The following PTPN5 variants were observed in gnomAD, a reference collection of about 807,000 sequenced individuals.
PTPN5 encodes the protein tyrosine-protein phosphatase non-receptor type 5.
A neutral mutation model predicts 73.9 loss-of-function variants in PTPN5; 29 were observed. That is an observed-to-expected ratio of 0.39 (90% confidence interval 0.29 to 0.54). PTPN5 has a LOEUF of 0.54. Ranked by LOEUF, PTPN5 falls within the 20% of genes least tolerant of loss-of-function variation. PTPN5 has a pLI of 0.65. For synonymous variants in PTPN5, 267 were observed against 304.7 expected, an observed-to-expected ratio of 0.88 and a Z score of 1.29; for missense variants, 652 against 751.4, an observed-to-expected ratio of 0.87 and a Z score of 1.55.
At chr11:18,772,272 T>C (rs1036908701) in intron 1 of PTPN5, among the ~76,000 whole-genome samples, 1 of 152,218 alleles carries the variant, frequency 6.6e-6, no homozygotes, top group African/African-American at 2.4e-5. Flanking sequence ...AGCCTTCTAA[T>C]AAATATCTTT....
At chr11:18,735,863 T>C (rs189512714) in intron 9 of PTPN5, among the ~76,000 whole-genome samples, 1 of 152,154 alleles carries the variant, frequency 6.6e-6, no homozygotes, top group African/African-American at 2.4e-5. Context: ...TAGATTTGTT[T>C]TGCCTCATTT....
intron 3 of PTPN5, among the ~76,000 whole-genome samples, chr11:18,764,878 AATTTTTTGT>A (rs1334056292): frequency 2.0e-5 from 3 of 151,906 alleles, no homozygotes; most frequent in African/African-American, 7.3e-5. Context: ...ACGCCTGGCT[AATTTTTTGT>A]ATTTTTAGTA....
At chr11:18,790,430 G>A (rs1439620586) in intron 1 of PTPN5, among the ~76,000 whole-genome samples, 1 of 152,098 alleles carries the variant, frequency 6.6e-6, no homozygotes, top group Non-Finnish European at 1.5e-5. Flanking sequence ...TCCAACTGAG[G>A]ACACTCAGGC....
chr11:18,752,544 C>T (rs1273735681), intron 3 of PTPN5, among the ~76,000 whole-genome samples: 1 of 152,114 alleles, frequency 6.6e-6, no homozygotes, highest in Admixed American at 6.5e-5. Context: ...TTTGTCTCTG[C>T]CAGATAATTA....
In PTPN5 at chr11:18,744,377, C is replaced by T. The variant is rs1159407129; in HGVS notation, c.98-178G>A. On this transcript the variant is annotated intron_variant, in intron 3 of 14. Coordinates refer to ENST00000358540, the MANE Select transcript of PTPN5 (RefSeq NM_006906.2). The stretch of plus-strand genomic sequence containing the variant: ...ATTCACCTACCTTCGTCAGAAAGAG[C>T]TAAGTGTGGGTGGACAAATTATTTC... 4 of 458,558 alleles carry T rather than the reference C, an allele frequency of 8.7e-6. No individual in the cohort carries two copies. The East Asian group carries it at 1.4e-4, about 16-fold the overall frequency. 28.4% of individuals were successfully genotyped at this position (458,558 alleles called of 1,614,324 possible).
In PTPN5 at chr11:18,729,085, T is replaced by C. The variant is rs1271983596; in HGVS notation, c.1605-58A>G. 3 of 1,568,632 alleles carry C rather than the reference T, an allele frequency of 1.9e-6. No homozygotes were observed. Among genetic ancestry groups the C allele is most frequent in the Non-Finnish European group, 2.6e-6 (3 of 1,151,370 alleles). On this transcript the variant is annotated intron_variant, in intron 14 of 14. Coordinates refer to ENST00000358540, the MANE Select transcript of PTPN5 (RefSeq NM_006906.2). This position sits in a 1 kb window ranked among gnomAD's most constrained non-coding sequence, Gnocchi z 5.2. ...TCGTGGAGGGATGGGCTGTGGGAGG[T>C]GCCCCAAAAGCCATGGAGTAGCAAT...
chr11:18,732,505 G>A (rs538465518), intron 12 of PTPN5, 87 bp downstream of exon 12: 5 of 922,288 alleles, frequency 5.4e-6, no homozygotes, highest in Non-Finnish European at 8.7e-6. Context: ...CAGTTACAGT[G>A]GACTTGGGGG....
At chr11:18,782,536 A>G (rs551294961) in intron 1 of PTPN5, among the ~76,000 whole-genome samples, 1 of 152,288 alleles carries the variant, frequency 6.6e-6, no homozygotes, top group East Asian at 1.9e-4. Context: ...CTTCTTAAAA[A>G]CTATTTCATG....
rs757933595 is a variant in PTPN5, at chr11:18,728,885, C to T, written c.*49G>A. 6.3e-6 allele frequency: 10 copies of T among 1,574,916 alleles called. No individual in the cohort carries two copies. The highest frequency in any genetic ancestry group is 5.5e-5 in the Admixed American group (3 of 54,416). ...CCGAGGCAGGGCCCTGGGTGAGGGC[C>T]GAGACTCAGGCTGGGCAGTGCCCAG... On this transcript the variant is annotated 3_prime_UTR_variant, in exon 15 of 15. Coordinates refer to ENST00000358540, the MANE Select transcript of PTPN5 (RefSeq NM_006906.2). This position sits in a 1 kb window ranked among gnomAD's most constrained non-coding sequence, Gnocchi z 4.1.
At chr11:18,756,944 A>C (rs1017606222) in intron 3 of PTPN5, among the ~76,000 whole-genome samples, 111 of 151,352 alleles carry the variant, frequency 7.3e-4, no homozygotes, top group African/African-American at 2.4e-3. Context: ...AAACCAAAAA[A>C]CAAAAACAAA....
chr11:18,757,708 G>C (rs1483783790), intron 3 of PTPN5, among the ~76,000 whole-genome samples: 1 of 152,236 alleles, frequency 6.6e-6, no homozygotes, highest in Non-Finnish European at 1.5e-5. Flanking sequence ...GTGCTGGACA[G>C]AGCAGGGGTG....
intron 1 of PTPN5, among the ~76,000 whole-genome samples, chr11:18,777,573 T>C (rs1219092876): frequency 1.3e-5 from 2 of 152,206 alleles, no homozygotes; most frequent in Admixed American, 6.5e-5. Context: ...GGTTCTTAAC[T>C]TTCTCTTTAC....
rs367543229 is a variant in PTPN5, at chr11:18,740,750, C to T, written c.768G>A (p.Pro256=). ...AGCCAAAGCCCTCCTCGTTGCAGCC[C>T]GGAGTGCACATGTCCAGGGTCAGGG... ...NVSLTLDMCT[P]GCNEEGFGYL... is the part of the protein sequence containing the mutation. The change falls in exon 8 of 15, where the codon CCG becomes CCA. Residue 256 remains proline (P), a synonymous_variant. Transcript: ENST00000358540. The T allele has an allele frequency of 4.1e-4, 660 of 1,594,300 alleles. 7 individuals are homozygous for T. In the South Asian group the frequency reaches 6.8e-3, roughly 16 times the overall value.
intron 3 of PTPN5, among the ~76,000 whole-genome samples, chr11:18,756,642 G>A (rs993410211): frequency 2.5e-4 from 38 of 151,942 alleles, no homozygotes; most frequent in African/African-American, 9.2e-4. Flanking sequence ...AACAGCACCG[G>A]CCGGGCGCGG....
At chr11:18,732,939 A>AT (rs1363261513) in intron 11 of PTPN5, among the ~76,000 whole-genome samples, 1 of 152,180 alleles carries the variant, frequency 6.6e-6, no homozygotes, top group Non-Finnish European at 1.5e-5. Context: ...ATTCGGTTAA[A>AT]TGGGCCCTTA....
At chr11:18,769,652 C>A (rs1850788444) in intron 2 of PTPN5, among the ~76,000 whole-genome samples, 1 of 152,246 alleles carries the variant, frequency 6.6e-6, no homozygotes, top group Admixed American at 6.5e-5. Flanking sequence ...ATCCTGCTTG[C>A]CTCAGCCTCC....
At chr11:18,755,800 T>C (rs913113216) in intron 3 of PTPN5, among the ~76,000 whole-genome samples, 2 of 151,988 alleles carry the variant, frequency 1.3e-5, no homozygotes, top group Non-Finnish European at 2.9e-5. Flanking sequence ...GGTCAGGAGT[T>C]CGAGACCAGC....
At chr11:18,747,572 G>T (rs952909848) in intron 3 of PTPN5, among the ~76,000 whole-genome samples, 2 of 152,152 alleles carry the variant, frequency 1.3e-5, no homozygotes, top group Non-Finnish European at 2.9e-5. Context: ...TTTGCTTCAG[G>T]AAGATGTGTG....
chr11:18,766,105 G>C (rs1850634336), intron 2 of PTPN5, among the ~76,000 whole-genome samples: 1 of 152,154 alleles, frequency 6.6e-6, no homozygotes, highest in African/African-American at 2.4e-5. Flanking sequence ...AGTGGCAGCA[G>C]TATCATCACA....
Sources: gnomAD v4.1 joint callset for allele counts (sites outside exome capture counted in the v4.1 genomes callset) on GRCh38, gnomAD v4.1.1 for gene constraint, Gnocchi (gnomAD v3.1) non-coding constraint, MANE v1.5 for transcripts, NCBI Gene and HGNC (gene_info 2026-07-23, HGNC 2026-07-21) for gene names.